The following PCDHGB5 variants were observed in gnomAD, a reference collection of about 807,000 sequenced individuals.
PCDHGB5 encodes the protein protocadherin gamma subfamily B, 5, also known as protocadherin gamma-B5.
Under a neutral mutation model 62.9 loss-of-function variants are expected in PCDHGB5, and 48 were observed. That is an observed-to-expected ratio of 0.76 (90% CI 0.61 to 0.97). The LOEUF is 0.97. PCDHGB5 is among the 50% of genes least tolerant of loss of function. The probability of loss-of-function intolerance (pLI) is 0.00; values close to 1 mark genes in which losing one functional copy is unlikely to be tolerated. For missense variants in PCDHGB5, 1,118 were observed against 1,198.6 expected, an observed-to-expected ratio of 0.93 and a Z score of 0.99; for synonymous variants, 474 against 511.2, an observed-to-expected ratio of 0.93 and a Z score of 0.98.
Position 141,477,464 on chromosome 5 carries a change from A to G in PCDHGB5, c.2398-17343A>G. The G allele has an allele frequency of 1.2e-6, 2 of 1,614,188 alleles. No homozygotes were observed. The highest frequency in any genetic ancestry group is 1.7e-6 in the Non-Finnish European group (2 of 1,180,034). On this transcript the variant is annotated intron_variant, in intron 1 of 3. Coordinates refer to ENST00000617380, the MANE Select transcript of PCDHGB5 (RefSeq NM_018925.3). This position sits in a 1 kb window ranked among gnomAD's most constrained non-coding sequence, Gnocchi z 4.9. ...AATAGTGCGTGTTCAAGTGTCCGAC[A>G]TCAATGACAACCCTCCACAATCTTC...
At chr5:141,424,055 C>T (rs2096796946) in intron 1 of PCDHGB5, 1 of 1,007,784 alleles carries the variant, frequency 9.9e-7, no homozygotes. Flanking sequence ...TTTTGCTGTG[C>T]CTTCACTGAT....
At chr5:141,456,149 G>A (rs377506220) in intron 1 of PCDHGB5, among the ~76,000 whole-genome samples, 1 of 151,866 alleles carries the variant, frequency 6.6e-6, no homozygotes, top group East Asian at 1.9e-4. Flanking sequence ...CGCCCGCCTC[G>A]GCCTCCTAAA....
chr5:141,506,177 G>T (rs1024892091), intron 3 of PCDHGB5, among the ~76,000 whole-genome samples: 4 of 152,142 alleles, frequency 2.6e-5, no homozygotes, highest in African/African-American at 9.7e-5. Context: ...TAAGCTGGGC[G>T]TGGTGGCTCA....
rs754747902 is a variant in PCDHGB5 at position 141,417,898 on chromosome 5, G to T, written c.2397+17374G>T. The T allele has an allele frequency of 5.5e-5, 87 of 1,579,262 alleles. 1 individual carries two copies. The South Asian group carries it at 7.8e-4, about 14-fold the overall frequency. The stretch of plus-strand genomic sequence containing the variant: ...GCGCGCAGAGGCGCCGGGCCGGCCC[G>T]CGGCAGGTACTATTTCCTTTGCTGC... On this transcript the variant is annotated intron_variant, in intron 1 of 3. Coordinates refer to ENST00000617380, the MANE Select transcript of PCDHGB5 (RefSeq NM_018925.3).
chr5:141,476,078 C>G lies in PCDHGB5; in HGVS notation c.2398-18729C>G. On this transcript the variant is annotated intron_variant, in intron 1 of 3. Transcript: ENST00000617380. The surrounding 1 kb of genome is among the most constrained non-coding windows in gnomAD (Gnocchi z 7.6). ...AAGTTTCTCAGCGAAATCTCAGGGA[C>G]GATCTGGACCCCGCTGAGAGGAACT... is the stretch of plus-strand genomic sequence containing the variant. 1 of 1,528,034 alleles carries G rather than the reference C, an allele frequency of 6.5e-7. No homozygotes were observed. 94.7% of individuals were successfully genotyped at this position (1,528,034 alleles called of 1,614,324 possible).
At chr5:141,415,189 A>G (rs575244490) in intron 1 of PCDHGB5, 2 of 1,613,958 alleles carry the variant, frequency 1.2e-6, no homozygotes, top group Non-Finnish European at 1.7e-6. Context: ...GGCCGACAGC[A>G]TCCCCCAAGT....
rs755191053 is a variant in PCDHGB5 at position 141,399,642 on chromosome 5, G to C, written c.1515G>C (p.Ala505=). Reference sequence around the variant, plus strand: ...TGGCCTCTTACGTGTCCATGAGCGCGCAAAGTGGGGTGGTGTTCGCGCAGC... The same window carrying C: ...TGGCCTCTTACGTGTCCATGAGCGCCCAAAGTGGGGTGGTGTTCGCGCAGC... ...LALASYVSMS[A]QSGVVFAQRA... The change falls in exon 1 of 4, where the codon GCG becomes GCC. Residue 505 remains alanine, a synonymous_variant. Transcript: ENST00000617380. The C allele has an allele frequency of 1.9e-6, 3 of 1,613,750 alleles. No homozygotes were observed. The highest frequency in any genetic ancestry group is 2.5e-6 in the Non-Finnish European group (3 of 1,179,856).
chr5:141,489,692 G>C lies in PCDHGB5; in HGVS notation c.2398-5115G>C, dbSNP rs768806028. The stretch of plus-strand genomic sequence containing the variant: ...TCAGAATCAGCAGCATCTGGGGCAC[G>C]ATTCCCACTGGACAGTGCCCAGGAT... On this transcript the variant is annotated intron_variant, in intron 1 of 3. Transcript: ENST00000617380. This position sits in a 1 kb window ranked among gnomAD's most constrained non-coding sequence, Gnocchi z 4.5. 6.2e-7 allele frequency: 1 copy of C among 1,614,128 alleles called. No individual in the cohort carries two copies. Among genetic ancestry groups the C allele is most frequent in the South Asian group, 1.1e-5 (1 of 91,080 alleles).
intron 1 of PCDHGB5, chr5:141,427,456 G>C (rs1172525843): frequency 2.0e-6 from 1 of 492,524 alleles, no homozygotes; most frequent in African/African-American, 1.9e-5. Flanking sequence ...GTTCCTTTTA[G>C]AATCGAATCT....
intron 1 of PCDHGB5, among the ~76,000 whole-genome samples, chr5:141,460,307 C>A (rs1025049001): frequency 6.6e-6 from 1 of 152,102 alleles, no homozygotes; most frequent in African/African-American, 2.4e-5. Context: ...TATTCAAAAA[C>A]TCCTTGCCTA....
chr5:141,409,769 G>A (rs1413636372), intron 1 of PCDHGB5: 19 of 1,612,658 alleles, frequency 1.2e-5, no homozygotes, highest in Non-Finnish European at 1.5e-5. Context: ...CTTTGATCAC[G>A]AGCAGCTGCG....
chr5:141,428,131 G>T, intron 1 of PCDHGB5: 1 of 1,602,720 alleles, frequency 6.2e-7, no homozygotes, highest in Non-Finnish European at 8.5e-7. Flanking sequence ...GGGCTTTTCA[G>T]CCTGGGGCTG....
At chr5:141,422,111 T>A (rs763658255) in intron 1 of PCDHGB5, 1 of 1,606,408 alleles carries the variant, frequency 6.2e-7, no homozygotes, top group Admixed American at 1.7e-5. Context: ...ATATTCCAAT[T>A]GGATTCACAA....
At position 141,421,819 on chromosome 5, in the gene PCDHGB5, G is replaced by C. The variant is rs752366104; in HGVS notation, c.2397+21295G>C. The C allele has an allele frequency of 3.8e-5, 61 of 1,613,688 alleles. No homozygotes were observed. Among genetic ancestry groups the C allele is most frequent in the Non-Finnish European group, 4.9e-5 (58 of 1,179,892 alleles). ...GGCCAAGAATCCAGAGCTAGTACTG[G>C]AGGGAAGCCTGGACCGAGAGAAAGA... On this transcript the variant is annotated intron_variant, in intron 1 of 3. Coordinates refer to ENST00000617380, the MANE Select transcript of PCDHGB5 (RefSeq NM_018925.3).
chr5:141,408,933 G>C, intron 1 of PCDHGB5: 1 of 1,613,550 alleles, frequency 6.2e-7, no homozygotes, highest in South Asian at 1.1e-5. Context: ...GTTTTCAGCA[G>C]AGACGAATAT....
chr5:141,429,698 A>G (rs1436698608), intron 1 of PCDHGB5, among the ~76,000 whole-genome samples: 2 of 152,228 alleles, frequency 1.3e-5, no homozygotes, highest in Admixed American at 6.5e-5. Flanking sequence ...ATATCTTTAC[A>G]GTATAAATAT....
At chr5:141,429,577 T>C (rs2097225544) in intron 1 of PCDHGB5, among the ~76,000 whole-genome samples, 2 of 152,230 alleles carry the variant, frequency 1.3e-5, no homozygotes, top group South Asian at 4.1e-4. Context: ...TTACATTTAC[T>C]TTTGATTCTT....
rs1312182657 is a variant in PCDHGB5 at position 141,406,777 on chromosome 5, CTT to C, written c.2397+6254_2397+6255del. Among the ~76,000 whole-genome samples the C allele has an allele frequency of 2.0e-5, 3 of 152,268 alleles. No individual in the cohort carries two copies. The East Asian group carries it at 5.8e-4, about 29-fold the overall frequency. On this transcript the variant is annotated intron_variant, in intron 1 of 3. Coordinates refer to ENST00000617380, the MANE Select transcript of PCDHGB5 (RefSeq NM_018925.3). ...CAAGGAATTAAAAATATTTCTCTCA[CTT>C]ATATATTATTTCTGGCTCAATTCTC...
In PCDHGB5 at chr5:141,487,598, C is replaced by T. The variant is rs1450685717; in HGVS notation, c.2398-7209C>T. 6.2e-7 allele frequency: 1 copy of T among 1,614,210 alleles called. No homozygotes were observed. The highest frequency in any genetic ancestry group is 8.5e-7 in the Non-Finnish European group (1 of 1,180,046). ...TCGCCCAAGCTGCCCACCCTCTGAT[C>T]TTCTCTATGGGCTAGAGGTGAGACC... is the stretch of plus-strand genomic sequence containing the variant. On this transcript the variant is annotated intron_variant, in intron 1 of 3. Transcript: ENST00000617380. The surrounding 1 kb of genome is among the most constrained non-coding windows in gnomAD (Gnocchi z 5.0).
Sources: allele counts gnomAD v4.1 joint callset (sites outside exome capture counted in the v4.1 genomes callset), GRCh38; gene constraint gnomAD v4.1.1; non-coding constraint Gnocchi (gnomAD v3.1); transcripts MANE v1.5; gene names NCBI Gene and HGNC (gene_info 2026-07-23, HGNC 2026-07-21).